ATAD5: variants seen among roughly 807,000 people sequenced by gnomAD.
The protein encoded by ATAD5 is ATPase family AAA domain containing 5.
A neutral mutation model predicts 176.9 loss-of-function variants in ATAD5; 58 were observed. The ratio of observed to expected loss-of-function variants is 0.33; its 90% CI spans 0.27 to 0.41. The LOEUF (loss-of-function observed/expected upper bound fraction) is 0.41, where lower values mean the gene tolerates loss of function less well. Ranked by LOEUF, ATAD5 falls within the 10% of genes least tolerant of loss-of-function variation. The pLI is 1.00. For synonymous variants in ATAD5, 640 were observed against 712.6 expected (o/e 0.90, Z 1.62); for missense variants, 1,789 against 2,094.1 (o/e 0.85, Z 2.84).
At chr17:30,867,679 T>C (rs1369219305) in intron 11 of ATAD5, among the ~76,000 whole-genome samples, 1 of 152,136 alleles carries the variant, frequency 6.6e-6, no homozygotes, top group East Asian at 1.9e-4. Flanking sequence ...TGGTTGAATC[T>C]TGGCTCACTG....
Position 30,893,827 on chromosome 17 carries a change from C to T in ATAD5, c.4974C>T (p.Phe1658=), listed in dbSNP as rs781639448. ...SLSEFMDNMS[F]LDALLTDVRE... ...CTGAGTTCATGGATAACATGTCCTT[C>T]TTAGATGCACTTTTAACTGATGTAA... Residue 1658 remains phenylalanine, a synonymous_variant, in exon 21 of 23, where the codon TTC becomes TTT. Transcript: ENST00000321990. The T allele has an allele frequency of 5.6e-6, 9 of 1,613,822 alleles. No homozygotes were observed. The highest frequency in any genetic ancestry group is 7.6e-6 in the Non-Finnish European group (9 of 1,179,896).
chr17:30,835,545 TG>T lies in ATAD5; in HGVS notation c.1468del (p.Ala490LeufsTer20). 1 of 1,610,980 alleles carries T rather than the reference TG, an allele frequency of 6.2e-7. No homozygotes were observed. The highest frequency in any genetic ancestry group is 8.5e-7 in the Non-Finnish European group (1 of 1,179,080). ...KKKNKKTLDT[G>X]AIPGKNREGN... ...AGAAGAATAAGAAAACATTAGATAC[TG>T]GGGCTATTCCAGGCAAAAACAGAGA... On this transcript the variant is annotated frameshift_variant, in exon 2 of 23. Transcript: ENST00000321990. LOFTEE classifies it high-confidence loss of function.
At position 30,894,213 on chromosome 17, in the gene ATAD5, A is replaced by C. The variant is rs985799912; in HGVS notation, c.5297+63A>C. Reference sequence around the variant, plus strand: ...TAAATCGTAAAGGGGAAATCAATAGAGTTTTTTCTTAATTTAAAAATGCTG... The same window carrying C: ...TAAATCGTAAAGGGGAAATCAATAGCGTTTTTTCTTAATTTAAAAATGCTG... On this transcript the variant is annotated intron_variant, in intron 21 of 22. Coordinates refer to ENST00000321990, the MANE Select transcript of ATAD5 (RefSeq NM_024857.5). 4.6e-6 allele frequency: 6 copies of C among 1,314,556 alleles called. No homozygotes were observed. The Admixed American group carries it at 1.1e-4, about 24-fold the overall frequency. The allele number at this position is 1,314,556 out of a possible 1,614,324, so 81.4% of individuals were successfully genotyped here.
At position 30,865,282 on chromosome 17, in the gene ATAD5, C is replaced by T. The variant is rs758208223; in HGVS notation, c.3137-422C>T. 5.9e-4 allele frequency among the ~76,000 whole-genome samples: 89 copies of T among 151,824 alleles called. 1 individual carries two copies. The highest frequency in any genetic ancestry group is 1.1e-3 in the Non-Finnish European group (77 of 67,996). The stretch of plus-strand genomic sequence containing the variant: ...CCGCCTCCCGGGTTCACACCATTCT[C>T]CTGCCTCAGCCTCCCGAGTAGCTGG... On this transcript the variant is annotated intron_variant, in intron 10 of 22. Transcript: ENST00000321990.
intron 6 of ATAD5, among the ~76,000 whole-genome samples, chr17:30,854,185 A>G (rs902914438): frequency 2.1e-5 from 3 of 142,780 alleles, no homozygotes; most frequent in African/African-American, 7.4e-5. Context: ...AATATCTTAT[A>G]TAAAATCTAA....
chr17:30,840,588 G>A (rs772922284), intron 3 of ATAD5, 29 bp from the exon 4 acceptor site: 1 of 1,364,016 alleles, frequency 7.3e-7, no homozygotes, highest in Non-Finnish European at 9.9e-7. Flanking sequence ...TTCTTGTGAT[G>A]TAAATTAATG....
intron 6 of ATAD5, among the ~76,000 whole-genome samples, chr17:30,848,416 A>T (rs536281985): frequency 4.6e-5 from 7 of 151,794 alleles, no homozygotes; most frequent in South Asian, 2.1e-4. Context: ...TGCCCCACTA[A>T]TTTTTTGTAT....
At chr17:30,874,597 A>G (rs1217972082) in intron 14 of ATAD5, among the ~76,000 whole-genome samples, 1 of 145,780 alleles carries the variant, frequency 6.9e-6, no homozygotes, top group African/African-American at 2.5e-5. Flanking sequence ...ATAAATTGAT[A>G]TCTGTTCAAC....
intron 14 of ATAD5, among the ~76,000 whole-genome samples, chr17:30,873,959 G>A (rs1170193296): frequency 6.6e-6 from 1 of 151,838 alleles, no homozygotes; most frequent in Non-Finnish European, 1.5e-5. Flanking sequence ...AAGGTCAGGA[G>A]TTCAAGACCA....
At chr17:30,868,509 ATT>A (rs745465090) in intron 12 of ATAD5, 97 bp downstream of exon 12, 3,217 of 478,792 alleles carry the variant, frequency 6.7e-3, no homozygotes, top group South Asian at 8.6e-3. Context: ...TTTTTTTTTA[ATT>A]TTTTTTTTTT....
intron 2 of ATAD5, among the ~76,000 whole-genome samples, chr17:30,836,960 G>T (rs1011738312): frequency 1.3e-5 from 2 of 152,046 alleles, no homozygotes. Flanking sequence ...AGCCCTAGTT[G>T]GTTCTTTGCT....
At chr17:30,859,718 T>TGG (rs1555556118) in intron 9 of ATAD5, among the ~76,000 whole-genome samples, 7 of 143,446 alleles carry the variant, frequency 4.9e-5, no homozygotes, top group Admixed American at 2.2e-4. Flanking sequence ...TAGAATACAG[T>TGG]TTGTTTGTTT....
Position 30,837,522 on chromosome 17 carries a change from A to G in ATAD5, c.2076+208A>G, listed in dbSNP as rs16967252. ...TCTTATTGTGAGGTGAAAGCAATTG[A>G]TAAAGGCAGAGTATAATTTACTTAT... On this transcript the variant is annotated intron_variant, in intron 3 of 22. Transcript: ENST00000321990. Among the ~76,000 whole-genome samples the G allele has an allele frequency of 0.027, 4,055 of 152,306 alleles. 199 individuals carry two copies. Among genetic ancestry groups the G allele is most frequent in the African/African-American group, 0.092 (3,833 of 41,548 alleles).
chr17:30,870,784 A>G (rs949925554), intron 14 of ATAD5, among the ~76,000 whole-genome samples: 2 of 151,986 alleles, frequency 1.3e-5, no homozygotes, highest in African/African-American at 4.8e-5. Flanking sequence ...TATATATATA[A>G]TATGTTTCAC....
At chr17:30,850,870 T>TATATATATATATATA (rs71142003) in intron 6 of ATAD5, among the ~76,000 whole-genome samples, 7 of 12,232 alleles carry the variant, frequency 5.7e-4, no homozygotes, top group East Asian at 6.6e-3. Flanking sequence ...TATATATATA[T>TATATATATATATATA]TTTTTTTTTT....
At position 30,837,213 on chromosome 17, in the gene ATAD5, T is replaced by G; in HGVS notation, c.1975T>G (p.Phe659Val). The stretch of plus-strand genomic sequence containing the variant: ...ACCTTATTTTTATTTCAGAATGAAA[T>G]TCACCAGAATTAGTACTCCCAAAAA... ...FDSESPIRMK[F>V]TRISTPKKSK... is the part of the protein sequence containing the mutation. Residue 659 changes from phenylalanine (F) to valine (V), a missense_variant, in exon 3 of 23, where the codon TTC becomes GTC. This residue lies in a region of ATAD5 where 487 missense variants were observed against 573.6 expected (regional missense o/e 0.85). Coordinates refer to ENST00000321990, the MANE Select transcript of ATAD5 (RefSeq NM_024857.5). 6.7e-7 allele frequency: 1 copy of G among 1,501,614 alleles called. No homozygotes were observed. Among genetic ancestry groups the G allele is most frequent in the Non-Finnish European group, 9.0e-7 (1 of 1,107,436 alleles). 93.0% of individuals were successfully genotyped at this position (1,501,614 alleles called of 1,614,324 possible). A position where few individuals can be genotyped will look rare whatever the true frequency, so the allele number is the denominator to read the frequency against.
chr17:30,847,007 C>T (rs1906548981), intron 6 of ATAD5, among the ~76,000 whole-genome samples: 1 of 152,160 alleles, frequency 6.6e-6, no homozygotes, highest in Non-Finnish European at 1.5e-5. Flanking sequence ...GTATGAGCCA[C>T]CGTGCCTGGC....
Position 30,835,380 on chromosome 17 carries a change from T to C in ATAD5, c.1299T>C (p.Cys433=). 2.5e-6 allele frequency: 4 copies of C among 1,611,236 alleles called. No homozygotes were observed. Among genetic ancestry groups the C allele is most frequent in the Non-Finnish European group, 3.4e-6 (4 of 1,179,258 alleles). Residue 433 remains cysteine, a synonymous_variant, in exon 2 of 23, where the codon TGT becomes TGC. Transcript: ENST00000321990. The stretch of plus-strand genomic sequence containing the variant: ...AGCAGAAAGACCTTAATGAAAAATG[T>C]CTATATGAAGTAGGAAGAGATGATA... ...SDKQKDLNEK[C]LYEVGRDDNS... is the part of the protein sequence containing the mutation.
intron 6 of ATAD5, among the ~76,000 whole-genome samples, chr17:30,848,551 G>T (rs1037500905): frequency 6.6e-6 from 1 of 152,114 alleles, no homozygotes; most frequent in South Asian, 2.1e-4. Context: ...GAGCCACAAG[G>T]CAAGGTCAAT....
Sources: gnomAD v4.1 joint callset for allele counts (sites outside exome capture counted in the v4.1 genomes callset) on GRCh38, gnomAD v4.1.1 for gene constraint, gnomAD v4.1.1 regional missense constraint, MANE v1.5 for transcripts, NCBI Gene and HGNC (gene_info 2026-07-23, HGNC 2026-07-21) for gene names.